SMOC2: variants seen among roughly 807,000 people sequenced by gnomAD.
SMOC2 encodes the protein SPARC-related modular calcium-binding protein 2.
SMOC2 carries 39 observed loss-of-function variants against 61.4 expected under a neutral mutation model. The ratio of observed to expected loss-of-function variants is 0.64; its 90% CI spans 0.49 to 0.83. The LOEUF is 0.83. Ranked by LOEUF, SMOC2 falls within the 40% of genes least tolerant of loss-of-function variation. The pLI, the probability that SMOC2 is intolerant of heterozygous loss-of-function variation, is 0.00. For missense variants in SMOC2, 556 were observed against 592.9 expected (o/e 0.94, Z 0.65); for synonymous variants, 247 against 239.9 (o/e 1.03, Z -0.27).
At chr6:168,526,894 G>A (rs528697563) in intron 3 of SMOC2, among the ~76,000 whole-genome samples, 1 of 152,288 alleles carries the variant, frequency 6.6e-6, no homozygotes, top group African/African-American at 2.4e-5. Context: ...CCACAGACAT[G>A]GAGCTGAGCC....
intron 1 of SMOC2, among the ~76,000 whole-genome samples, chr6:168,497,360 G>A (rs1050507864): frequency 3.3e-5 from 5 of 152,264 alleles, no homozygotes; most frequent in African/African-American, 7.2e-5. Flanking sequence ...GACGGCCTCT[G>A]CACCTGCCCC....
chr6:168,471,982 C>T (rs1033454179), intron 1 of SMOC2, among the ~76,000 whole-genome samples: 4 of 152,190 alleles, frequency 2.6e-5, no homozygotes, highest in Non-Finnish European at 5.9e-5. Context: ...CAAGTATTTT[C>T]TCCCACTCCG....
At chr6:168,505,951 A>G (rs2749253) in intron 1 of SMOC2, among the ~76,000 whole-genome samples, 72,710 of 151,832 alleles carry the variant, frequency 0.48, 18,092 homozygotes, top group African/African-American at 0.59. Flanking sequence ...CTAAGAAAGC[A>G]AACACGTGGA....
chr6:168,553,319 G>A lies in SMOC2; in HGVS notation c.637+4116G>A, dbSNP rs1784172627. On this transcript the variant is annotated intron_variant, in intron 7 of 12. Transcript: ENST00000356284. This position sits in a 1 kb window ranked among gnomAD's most constrained non-coding sequence, Gnocchi z 4.2. ...ATAAAATTGTGTTACTTCTTTTACT[G>A]TCTCAAATCATCTTTGTTTTATTAC... Among the ~76,000 whole-genome samples, 1 of 152,112 alleles carries A rather than the reference G, an allele frequency of 6.6e-6. No homozygotes were observed. The highest frequency in any genetic ancestry group is 6.6e-5 in the Admixed American group (1 of 15,266).
chr6:168,560,113 G>A (rs1157035670), intron 7 of SMOC2, among the ~76,000 whole-genome samples: 1 of 152,104 alleles, frequency 6.6e-6, no homozygotes, highest in Admixed American at 6.6e-5. Context: ...TTTTAATAGA[G>A]GCAACCTTTT....
intron 9 of SMOC2, among the ~76,000 whole-genome samples, chr6:168,646,047 T>A (rs1305926062): frequency 1.3e-5 from 2 of 152,250 alleles, no homozygotes; most frequent in African/African-American, 4.8e-5. Flanking sequence ...ATTTCTCATC[T>A]ATACCAGTTT....
intron 7 of SMOC2, among the ~76,000 whole-genome samples, chr6:168,596,630 G>A (rs1477575446): frequency 6.6e-6 from 1 of 152,244 alleles, no homozygotes; most frequent in African/African-American, 2.4e-5. Context: ...CAAGTGCTCT[G>A]AGGATTTCTG....
intron 1 of SMOC2, among the ~76,000 whole-genome samples, chr6:168,455,076 C>T (rs1288356867): frequency 6.6e-6 from 1 of 152,030 alleles, no homozygotes; most frequent in Non-Finnish European, 1.5e-5. Context: ...TTAGGGGCCC[C>T]TGCAGGGTGC....
intron 9 of SMOC2, among the ~76,000 whole-genome samples, chr6:168,629,495 T>G (rs1423485613): frequency 6.6e-6 from 1 of 152,202 alleles, no homozygotes; most frequent in African/African-American, 2.4e-5. Flanking sequence ...CCCCAGGGAT[T>G]TAATTCAGGT....
intron 1 of SMOC2, among the ~76,000 whole-genome samples, chr6:168,449,320 A>G (rs1266596826): frequency 6.6e-6 from 1 of 152,232 alleles, no homozygotes; most frequent in Non-Finnish European, 1.5e-5. Flanking sequence ...TCACTGTAAT[A>G]TTCTTCCTGA....
Position 168,666,406 on chromosome 6 carries a change from T to G in SMOC2, c.1324-15T>G. 6.2e-7 allele frequency: 1 copy of G among 1,613,760 alleles called. No homozygotes were observed. The highest frequency in any genetic ancestry group is 8.5e-7 in the Non-Finnish European group (1 of 1,179,984). On this transcript the variant is annotated splice_polypyrimidine_tract_variant and intron_variant, in intron 12 of 12. Transcript: ENST00000356284. Reference sequence around the variant, plus strand: ...CTCTGAATATAATGTCTCTTTTTTGTTTTTTCCTTTTCAGCCAAGGAAACA... The same window carrying G: ...CTCTGAATATAATGTCTCTTTTTTGGTTTTTCCTTTTCAGCCAAGGAAACA...
At chr6:168,480,945 A>G (rs1782194311) in intron 1 of SMOC2, among the ~76,000 whole-genome samples, 1 of 152,186 alleles carries the variant, frequency 6.6e-6, no homozygotes, top group Admixed American at 6.6e-5. Context: ...CAAAAACAAA[A>G]CAATCAAACT....
Position 168,653,004 on chromosome 6 carries a change from G to A in SMOC2, c.1061G>A (p.Trp354Ter). ...SHTLEERVVH[W>*]YFKLLDKNSS... ...ACCCTAGAGGAGCGGGTGGTGCACT[G>A]GTACTTCAAACTACTGGATAAAAAC... Residue 354 changes from tryptophan (W) to a stop codon, truncating the protein, a stop_gained, in exon 11 of 13, where the codon TGG becomes TAG. Coordinates refer to ENST00000356284, the MANE Select transcript of SMOC2 (RefSeq NM_001166412.2). LOFTEE classifies it high-confidence loss of function. 6.2e-7 allele frequency: 1 copy of A among 1,614,010 alleles called. No individual in the cohort carries two copies. Among genetic ancestry groups the A allele is most frequent in the South Asian group, 1.1e-5 (1 of 91,062 alleles).
intron 2 of SMOC2, among the ~76,000 whole-genome samples, chr6:168,518,970 C>T (rs1373258509): frequency 2.9e-5 from 4 of 136,398 alleles, no homozygotes; most frequent in East Asian, 4.6e-4. Context: ...TCCGTGCACG[C>T]GTGTGTATGC....
chr6:168,543,030 G>C (rs1164687831), intron 4 of SMOC2, among the ~76,000 whole-genome samples: 2 of 152,200 alleles, frequency 1.3e-5, no homozygotes, highest in Non-Finnish European at 2.9e-5. Flanking sequence ...CTAATGAAGA[G>C]GGGGAAGTGG....
At chr6:168,643,031 C>T (rs1246737760) in intron 9 of SMOC2, among the ~76,000 whole-genome samples, 4 of 152,142 alleles carry the variant, frequency 2.6e-5, no homozygotes, top group Non-Finnish European at 4.4e-5. Context: ...TGTTATGTTC[C>T]AGAGGCTCTA....
At chr6:168,516,386 A>T (rs1783135018) in intron 2 of SMOC2, among the ~76,000 whole-genome samples, 1 of 152,072 alleles carries the variant, frequency 6.6e-6, no homozygotes, top group African/African-American at 2.4e-5. Context: ...CAAAAAAAAA[A>T]AAAAGCCAAA....
intron 9 of SMOC2, among the ~76,000 whole-genome samples, chr6:168,629,738 A>T (rs1263502367): frequency 6.6e-6 from 1 of 152,160 alleles, no homozygotes; most frequent in Non-Finnish European, 1.5e-5. Context: ...CTGTGAACAG[A>T]TGAATGTGTG....
intron 8 of SMOC2, among the ~76,000 whole-genome samples, chr6:168,599,760 T>C (rs1355400765): frequency 1.3e-3 from 93 of 71,894 alleles, no homozygotes; most frequent in South Asian, 2.3e-3. Flanking sequence ...ACTCATACAA[T>C]CCCCCAAACA....
Sources: allele counts gnomAD v4.1 joint callset (sites outside exome capture counted in the v4.1 genomes callset), GRCh38; gene constraint gnomAD v4.1.1; non-coding constraint Gnocchi (gnomAD v3.1); transcripts MANE v1.5; gene names NCBI Gene and HGNC (gene_info 2026-07-23, HGNC 2026-07-21).